COL11A1: variants seen among roughly 807,000 people sequenced by gnomAD.
The protein encoded by COL11A1 is collagen type XI alpha 1 chain, also known as collagen alpha-1(XI) chain.
Under a neutral mutation model 265.2 loss-of-function variants are expected in COL11A1, and 74 were observed. The ratio of observed to expected loss-of-function variants is 0.28; its 90% confidence interval spans 0.23 to 0.34. The LOEUF is 0.34. Ranked by LOEUF, COL11A1 falls within the 10% of genes least tolerant of loss-of-function variation. COL11A1 has a pLI of 1.00. For synonymous variants in COL11A1, 816 were observed against 727.6 expected (o/e 1.12, Z -1.96); for missense variants, 2,165 against 2,263.6 (o/e 0.96, Z 0.88).
At chr1:102,902,681 A>G (rs1620866) in intron 54 of COL11A1, among the ~76,000 whole-genome samples, 92,485 of 151,454 alleles carry the variant, frequency 0.61, 30,348 homozygotes, top group East Asian at 0.76. Context: ...AGAAATTTTA[A>G]GAGGATTTAT....
intron 42 of COL11A1, among the ~76,000 whole-genome samples, chr1:102,945,475 T>C (rs1659170995): frequency 6.6e-6 from 1 of 152,174 alleles, no homozygotes; most frequent in Non-Finnish European, 1.5e-5. Context: ...AATATTGGAA[T>C]AATATCACAG....
intron 57 of COL11A1, among the ~76,000 whole-genome samples, chr1:102,891,887 G>C (rs1359843695): frequency 1.3e-5 from 2 of 151,896 alleles, no homozygotes; most frequent in African/African-American, 4.8e-5. Context: ...TGTCGCTAGA[G>C]AAAGTAAACA....
At chr1:102,908,373 G>A (rs1676503) in intron 54 of COL11A1, among the ~76,000 whole-genome samples, 7,792 of 152,000 alleles carry the variant, frequency 0.051, 353 homozygotes, top group African/African-American at 0.11. Context: ...TGGATAAATA[G>A]GAAATTTCAA....
At chr1:102,997,054 A>G in intron 26 of COL11A1, 26 bp downstream of exon 26, 1 of 1,602,290 alleles carries the variant, frequency 6.2e-7, no homozygotes, top group East Asian at 2.2e-5. Flanking sequence ...TTAATAGGAC[A>G]TTTAAATGGA....
chr1:103,000,065 A>AT (rs1049312938), intron 24 of COL11A1, among the ~76,000 whole-genome samples: 4 of 151,880 alleles, frequency 2.6e-5, no homozygotes, highest in Non-Finnish European at 5.9e-5. Flanking sequence ...TAGATTATAC[A>AT]TTTTATCTGG....
chr1:102,978,989 GA>G, intron 33 of COL11A1, 70 bp downstream of exon 33: 1 of 1,606,384 alleles, frequency 6.2e-7, no homozygotes, highest in East Asian at 2.2e-5. Context: ...TTTTATTTTT[GA>G]AAAATAAATT....
intron 4 of COL11A1, among the ~76,000 whole-genome samples, chr1:103,064,506 G>A (rs12733087): frequency 0.037 from 5,689 of 151,746 alleles, 123 homozygotes; most frequent in Middle Eastern, 0.089. Flanking sequence ...TGGCTAACAC[G>A]GTGAAAACCT....
At chr1:103,029,242 T>G (rs1667795172) in intron 5 of COL11A1, among the ~76,000 whole-genome samples, 1 of 152,182 alleles carries the variant, frequency 6.6e-6, no homozygotes, top group East Asian at 1.9e-4. Context: ...AAACATGCAA[T>G]GCCAGAAGTT....
chr1:102,958,253 T>C (rs2101539829), intron 41 of COL11A1, among the ~76,000 whole-genome samples: 1 of 152,236 alleles, frequency 6.6e-6, no homozygotes, highest in African/African-American at 2.4e-5. Context: ...TATTTTGCCA[T>C]CACCTTTTCT....
In COL11A1 at chr1:102,914,760, C is replaced by A. The variant is rs370988085; in HGVS notation, c.3868G>T (p.Ala1290Ser). ...EKGEAGPPGA[A>S]GPPGAKGPPG... ...GGCCCCTTGGCACCTGGAGGTCCAG[C>A]AGCTCCAGGTGGACCAGCTTCCCCT... Residue 1290 changes from alanine to serine, a missense_variant, in exon 51 of 67, where the codon GCT becomes TCT. Transcript: ENST00000370096. 6.2e-5 allele frequency: 100 copies of A among 1,613,008 alleles called. No homozygotes were observed. The highest frequency in any genetic ancestry group is 7.6e-5 in the Non-Finnish European group (90 of 1,179,910).
chr1:103,084,625 T>A (rs1460166809), intron 1 of COL11A1, among the ~76,000 whole-genome samples: 1 of 152,060 alleles, frequency 6.6e-6, no homozygotes, highest in African/African-American at 2.4e-5. Context: ...TTATCTTTTT[T>A]AGATCTTCAA....
intron 1 of COL11A1, among the ~76,000 whole-genome samples, chr1:103,101,806 G>T (rs761691347): frequency 4.0e-5 from 6 of 151,806 alleles, no homozygotes; most frequent in Non-Finnish European, 8.8e-5. Flanking sequence ...TTTTACACAG[G>T]TTTGTTTTAG....
chr1:103,011,189 C>T (rs931526457), intron 14 of COL11A1, among the ~76,000 whole-genome samples: 2 of 151,962 alleles, frequency 1.3e-5, no homozygotes, highest in African/African-American at 4.8e-5. Context: ...CTTCTGACCC[C>T]AAATTTCATA....
At chr1:102,904,833 T>C (rs1263814841) in intron 54 of COL11A1, among the ~76,000 whole-genome samples, 1 of 152,042 alleles carries the variant, frequency 6.6e-6, no homozygotes, top group Non-Finnish European at 1.5e-5. Context: ...CTCAGGGATC[T>C]AGAACTAGAA....
chr1:103,006,571 T>C (rs978855016), intron 15 of COL11A1, among the ~76,000 whole-genome samples: 8 of 131,220 alleles, frequency 6.1e-5, no homozygotes, highest in Admixed American at 1.7e-4. Flanking sequence ...GGAGTCTAGC[T>C]CTGTCGCCTA....
intron 1 of COL11A1, among the ~76,000 whole-genome samples, chr1:103,096,074 A>G (rs1673735326): frequency 1.3e-5 from 2 of 151,916 alleles, no homozygotes; most frequent in African/African-American, 4.8e-5. Flanking sequence ...GGGGAGAAGG[A>G]TGACTTGAAT....
chr1:103,021,927 A>G (rs1380959273), intron 8 of COL11A1, among the ~76,000 whole-genome samples, 158 bp from the exon 9 acceptor site: 1 of 150,306 alleles, frequency 6.7e-6, no homozygotes, highest in Non-Finnish European at 1.5e-5. Flanking sequence ...CGCTCACTGC[A>G]AGCTCGCCTG....
intron 31 of COL11A1, among the ~76,000 whole-genome samples, chr1:102,980,428 TA>T (rs1004929208): frequency 1.2e-4 from 18 of 152,242 alleles, no homozygotes; most frequent in African/African-American, 4.1e-4. Flanking sequence ...CACTGTATCA[TA>T]AAATAGAGAA....
intron 35 of COL11A1, among the ~76,000 whole-genome samples, chr1:102,977,893 G>T (rs12094934): frequency 0.036 from 5,439 of 152,000 alleles, 356 homozygotes; most frequent in African/African-American, 0.13. Context: ...CTCAAGTTTT[G>T]CTCATTGCTC....
Sources: gnomAD v4.1 joint callset for allele counts (sites outside exome capture counted in the v4.1 genomes callset) on GRCh38, gnomAD v4.1.1 for gene constraint, MANE v1.5 for transcripts, NCBI Gene and HGNC (gene_info 2026-07-23, HGNC 2026-07-21) for gene names.